Variants in MYCT1 observed in about 807,000 individuals in gnomAD.
MYCT1 encodes myc target protein 1.
In MYCT1, 12 loss-of-function variants were observed where a neutral mutation model predicts 15.0. That is an observed-to-expected ratio of 0.80 (90% confidence interval 0.51 to 1.29). MYCT1 has a LOEUF of 1.29. Among genes scored for constraint, MYCT1 ranks in the 50% most tolerant of loss-of-function variants. The pLI, the probability that MYCT1 is intolerant of heterozygous loss-of-function variation, is 0.00. For missense variants in MYCT1, 287 were observed against 279.1 expected (o/e 1.03, Z -0.20); for synonymous variants, 104 against 102.7 (o/e 1.01, Z -0.07).
chr6:152,698,189 A>G (rs762260681), intron 1 of MYCT1, 91 bp downstream of exon 1: 31 of 734,200 alleles, frequency 4.2e-5, no homozygotes, highest in Non-Finnish European at 5.4e-5. Context: ...TCTCTGAGAC[A>G]TTTTGTTTAC....
intron 1 of MYCT1, among the ~76,000 whole-genome samples, chr6:152,704,761 G>T (rs1004544537): frequency 9.9e-5 from 15 of 152,158 alleles, no homozygotes; most frequent in African/African-American, 3.4e-4. Context: ...TATTTAAGGT[G>T]TCCAACATGA....
the MYCT1 span, among the ~76,000 whole-genome samples, chr6:152,744,976 C>A: frequency 1.3e-5 from 2 of 152,048 alleles, no homozygotes; most frequent in Admixed American, 1.3e-4. Context: ...GTTGAAGAAG[C>A]CTAAGGTGAG....
the MYCT1 span, among the ~76,000 whole-genome samples, chr6:152,743,070 T>A: frequency 6.6e-6 from 1 of 152,134 alleles, no homozygotes; most frequent in Non-Finnish European, 1.5e-5. Context: ...TTGTTGTTGT[T>A]GTTTTGACAG....
At chr6:152,716,341 C>G (rs935387313) in intron 1 of MYCT1, among the ~76,000 whole-genome samples, 74 of 152,158 alleles carry the variant, frequency 4.9e-4, no homozygotes, top group African/African-American at 1.7e-3. Context: ...GAACCATTCT[C>G]CTATACACTC....
chr6:152,713,143 T>G (rs1279715522), intron 1 of MYCT1, among the ~76,000 whole-genome samples: 6 of 152,060 alleles, frequency 3.9e-5, no homozygotes, highest in African/African-American at 1.4e-4. Context: ...TAATACACCT[T>G]TAAGTTGGCC....
intron 1 of MYCT1, among the ~76,000 whole-genome samples, chr6:152,716,344 A>G (rs1056563188): frequency 1.3e-5 from 2 of 152,140 alleles, no homozygotes. Context: ...CCATTCTCCT[A>G]TACACTCTAT....
chr6:152,699,325 A>T (rs2099720943), intron 1 of MYCT1, among the ~76,000 whole-genome samples: 1 of 152,162 alleles, frequency 6.6e-6, no homozygotes, highest in African/African-American at 2.4e-5. Context: ...AAAAAGAATT[A>T]ACTCATTCTT....
chr6:152,725,300 A>T (rs564967599), downstream of MYCT1, among the ~76,000 whole-genome samples: 6 of 152,354 alleles, frequency 3.9e-5, no homozygotes, highest in African/African-American at 1.2e-4. Flanking sequence ...GTAAATAGAT[A>T]AATTAGTAAT....
intron 1 of MYCT1, among the ~76,000 whole-genome samples, chr6:152,708,490 A>T (rs1454004111): frequency 6.6e-6 from 1 of 152,016 alleles, no homozygotes; most frequent in African/African-American, 2.4e-5. Flanking sequence ...ACCAGCCTGG[A>T]TGATATAGTA....
chr6:152,737,341 G>A, the MYCT1 span, among the ~76,000 whole-genome samples: 1 of 151,900 alleles, frequency 6.6e-6, no homozygotes. Context: ...ATGTATGTGT[G>A]TGTTTATATA....
intron 1 of MYCT1, among the ~76,000 whole-genome samples, chr6:152,714,220 C>T (rs530130546): frequency 6.6e-6 from 1 of 151,146 alleles, no homozygotes; most frequent in Non-Finnish European, 1.5e-5. Flanking sequence ...TCTTTCCATC[C>T]TTGTCGTTCC....
intron 1 of MYCT1, among the ~76,000 whole-genome samples, chr6:152,717,379 G>A (rs547158357): frequency 6.6e-6 from 1 of 152,134 alleles, no homozygotes; most frequent in East Asian, 1.9e-4. Context: ...ATTCTGCAAG[G>A]TATAAGAATT....
chr6:152,735,902 T>C, the MYCT1 span, among the ~76,000 whole-genome samples: 1 of 152,086 alleles, frequency 6.6e-6, no homozygotes, highest in Non-Finnish European at 1.5e-5. Context: ...AAAAAGCCCT[T>C]TTTTTCTTCA....
intron 1 of MYCT1, among the ~76,000 whole-genome samples, chr6:152,713,708 T>C (rs377594067): frequency 4.6e-5 from 7 of 152,148 alleles, no homozygotes; most frequent in African/African-American, 1.7e-4. Context: ...ATATGTGAAA[T>C]GTTTATAAAT....
chr6:152,729,359 A>G (rs2129071759), downstream of MYCT1, among the ~76,000 whole-genome samples: 1 of 152,122 alleles, frequency 6.6e-6, no homozygotes, highest in East Asian at 1.9e-4. Context: ...ATTTTTCTAT[A>G]AGCCCTGCTA....
intron 1 of MYCT1, among the ~76,000 whole-genome samples, chr6:152,703,675 C>T (rs1435351357): frequency 6.6e-6 from 1 of 152,012 alleles, no homozygotes; most frequent in Non-Finnish European, 1.5e-5. Flanking sequence ...GTGTACAAAT[C>T]ATAACAGAAC....
chr6:152,732,815 G>T, the MYCT1 span, among the ~76,000 whole-genome samples: 1 of 152,170 alleles, frequency 6.6e-6, no homozygotes, highest in African/African-American at 2.4e-5. Flanking sequence ...GAATATTGGA[G>T]TGAAGCAGCC....
At chr6:152,708,577 T>C (rs562706866) in intron 1 of MYCT1, among the ~76,000 whole-genome samples, 74 of 152,130 alleles carry the variant, frequency 4.9e-4, no homozygotes, top group African/African-American at 1.7e-3. Flanking sequence ...CTGTCCCAAT[T>C]CTTTGTATTA....
chr6:152,708,371 G>A (rs1336621845), intron 1 of MYCT1, among the ~76,000 whole-genome samples: 2 of 151,870 alleles, frequency 1.3e-5, no homozygotes, highest in African/African-American at 4.8e-5. Context: ...GAATACATAA[G>A]ATTTTCAATA....
Sources: gnomAD v4.1 joint callset for allele counts (sites outside exome capture counted in the v4.1 genomes callset) on GRCh38, gnomAD v4.1.1 for gene constraint, MANE v1.5 for transcripts, NCBI Gene and HGNC (gene_info 2026-07-23, HGNC 2026-07-21) for gene names.